Variants in PSMD12 observed in about 807,000 individuals in gnomAD.
PSMD12 encodes proteasome 26S subunit, non-ATPase 12, also known as 26S proteasome non-ATPase regulatory subunit 12.
PSMD12 carries 8 observed loss-of-function variants against 62.9 expected under a neutral mutation model. The ratio of observed to expected loss-of-function variants is 0.13; its 90% CI spans 0.07 to 0.23. The LOEUF (loss-of-function observed/expected upper bound fraction) is 0.23, where lower values mean the gene tolerates loss of function less well. Among genes scored for constraint, PSMD12 ranks in the 10% least tolerant of loss-of-function variants. The probability of loss-of-function intolerance (pLI) is 1.00; values close to 1 mark genes in which losing one functional copy is unlikely to be tolerated. For synonymous variants in PSMD12, 173 were observed against 187.4 expected (o/e 0.92, Z 0.63); for missense variants, 424 against 550.2 (o/e 0.77, Z 2.29).
intron 9 of PSMD12, among the ~76,000 whole-genome samples, chr17:67,342,939 CAAA>C (rs11366514): frequency 1.9e-5 from 2 of 102,664 alleles, no homozygotes. Flanking sequence ...GACTCTCTTT[CAAA>C]AAAAAAAAAA....
intron 1 of PSMD12, among the ~76,000 whole-genome samples, chr17:67,359,230 C>T (rs1295672979): frequency 6.6e-6 from 1 of 152,132 alleles, no homozygotes; most frequent in Non-Finnish European, 1.5e-5. Context: ...TAGCCTGTGC[C>T]TGTGGTCCTA....
At chr17:67,347,852 T>G (rs1019725746) in intron 5 of PSMD12, among the ~76,000 whole-genome samples, 7 of 152,220 alleles carry the variant, frequency 4.6e-5, no homozygotes, top group East Asian at 1.9e-4. Context: ...CACTACAAAT[T>G]TGTCTTTTCA....
At chr17:67,355,079 C>T (rs1486630417) in intron 3 of PSMD12, among the ~76,000 whole-genome samples, 3 of 148,166 alleles carry the variant, frequency 2.0e-5, no homozygotes, top group Non-Finnish European at 4.5e-5. Context: ...CATCGGCTTG[C>T]ATATTTTTGG....
In PSMD12 at chr17:67,364,018, C is replaced by A. The variant is rs141657526; in HGVS notation, c.108+2394G>T. Among the ~76,000 whole-genome samples, 428 of 152,094 alleles carry A rather than the reference C, an allele frequency of 2.8e-3. 6 individuals are homozygous for A. Among genetic ancestry groups the A allele is most frequent in the African/African-American group, 9.9e-3 (411 of 41,474 alleles). On this transcript the variant is annotated intron_variant, in intron 1 of 10. Coordinates refer to ENST00000356126, the MANE Select transcript of PSMD12 (RefSeq NM_002816.5). ...GAGCCAAGACCGCGCCACTGCACTC[C>A]AGCCTGGGCAACAAGAGCGAAACTC...
intron 3 of PSMD12, among the ~76,000 whole-genome samples, chr17:67,356,603 G>C (rs1289725951): frequency 4.0e-5 from 5 of 124,330 alleles, no homozygotes; most frequent in Non-Finnish European, 7.0e-5. Context: ...GAAATATTTA[G>C]TTACTACTAA....
At chr17:67,350,928 G>A (rs2042011325) in intron 3 of PSMD12, among the ~76,000 whole-genome samples, 1 of 151,986 alleles carries the variant, frequency 6.6e-6, no homozygotes, top group Non-Finnish European at 1.5e-5. Flanking sequence ...AGACTTTGTG[G>A]GCCAGTCTCT....
At chr17:67,356,608 T>C (rs1408652973) in intron 3 of PSMD12, among the ~76,000 whole-genome samples, 2 of 125,264 alleles carry the variant, frequency 1.6e-5, no homozygotes, top group African/African-American at 2.9e-5. Context: ...ATTTAGTTAC[T>C]ACTAAAAAAA....
Position 67,342,201 on chromosome 17 carries a change from C to T in PSMD12, c.1146G>A (p.Leu382=), listed in dbSNP as rs1302795317. The change falls in exon 10 of 11, where the codon CTG becomes CTA. Residue 382 remains leucine (L), a synonymous_variant. Coordinates refer to ENST00000356126, the MANE Select transcript of PSMD12 (RefSeq NM_002816.5). ...RITMKRMAQL[L]DLSVDESEAF... ...TACTACTTACATCAACAGATAGATC[C>T]AGAAGCTGTGCCATCCTTTTCATTG... 1 of 1,579,546 alleles carries T rather than the reference C, an allele frequency of 6.3e-7. No individual in the cohort carries two copies.
intron 3 of PSMD12, among the ~76,000 whole-genome samples, chr17:67,353,318 C>CCA (rs1422443218): frequency 6.6e-6 from 1 of 151,412 alleles, no homozygotes; most frequent in African/African-American, 2.4e-5. Flanking sequence ...TCCCCCCGCT[C>CCA]CCTCTCTCTT....
intron 3 of PSMD12, among the ~76,000 whole-genome samples, chr17:67,353,752 C>T (rs1031749154): frequency 4.6e-5 from 7 of 152,104 alleles, no homozygotes; most frequent in Admixed American, 3.3e-4. Flanking sequence ...GCTATGAAGA[C>T]ATAATATGTT....
chr17:67,365,862 T>G (rs2042173973), intron 1 of PSMD12, among the ~76,000 whole-genome samples: 1 of 151,990 alleles, frequency 6.6e-6, no homozygotes, highest in East Asian at 1.9e-4. Context: ...AGTAACACTT[T>G]CCCCTTGTAT....
chr17:67,343,266 T>C (rs1485444032), intron 9 of PSMD12, among the ~76,000 whole-genome samples: 1 of 152,164 alleles, frequency 6.6e-6, no homozygotes, highest in Admixed American at 6.5e-5. Context: ...ATCCTTTAAA[T>C]CTAACCTTTT....
intron 3 of PSMD12, among the ~76,000 whole-genome samples, chr17:67,351,048 T>C (rs1659863614): frequency 6.6e-6 from 1 of 152,190 alleles, no homozygotes; most frequent in Non-Finnish European, 1.5e-5. Flanking sequence ...TGTCCCATCA[T>C]TTGCCAATGT....
At chr17:67,357,053 A>G (rs2042081812) in intron 3 of PSMD12, 1 of 322,996 alleles carries the variant, frequency 3.1e-6, no homozygotes, top group Admixed American at 4.8e-5. Flanking sequence ...TAGCAATACC[A>G]AAATAGAACA....
intron 1 of PSMD12, among the ~76,000 whole-genome samples, chr17:67,358,567 CAAAAAAAAAAAAA>C (rs398039153): frequency 1.3e-5 from 1 of 74,076 alleles, no homozygotes; most frequent in Non-Finnish European, 2.5e-5. Flanking sequence ...GAACCTGTCT[CAAAAAAAAAAAAA>C]AAAAAAGAAA....
rs34639826 is a variant in PSMD12 at position 67,340,090 on chromosome 17, C to CAAAAA, written c.*748_*752dup. ...TAAAGAAAGGGGAGAGGAAGAAGAG[C>CAAAAA]AAAAAAAAAAAAAAAAAAAAAGTAG... On this transcript the variant is annotated 3_prime_UTR_variant, in exon 11 of 11. Transcript: ENST00000356126. 2.0e-4 allele frequency: 14 copies of CAAAAA among 71,376 alleles called. No individual in the cohort carries two copies. The highest frequency in any genetic ancestry group is 6.2e-4 in the South Asian group (1 of 1,624). The allele number at this position is 71,376 out of a possible 1,614,324, so 4.4% of individuals were successfully genotyped here.
Position 67,338,316 on chromosome 17 carries a change from AG to A in PSMD12, c.*2526del, listed in dbSNP as rs1189411237. 2 of 152,250 alleles carry A rather than the reference AG, an allele frequency of 1.3e-5. No homozygotes were observed. The highest frequency in any genetic ancestry group is 4.8e-5 in the African/African-American group (2 of 41,468). 9.4% of individuals were successfully genotyped at this position (152,250 alleles called of 1,614,324 possible). On this transcript the variant is annotated 3_prime_UTR_variant, in exon 11 of 11. Coordinates refer to ENST00000356126, the MANE Select transcript of PSMD12 (RefSeq NM_002816.5). ...CAGCTTTAGGTCTGAAATGTAAAAC[AG>A]GATTAATTGAGGTTCCGAACAACTC...
At position 67,350,276 on chromosome 17, in the gene PSMD12, T is replaced by G. The variant is rs775859552; in HGVS notation, c.358A>C (p.Ile120Leu). ...TYVEEITDLP[I>L]KLRLIDTLRM... ...AGAGTATCAATTAATCGAAGTTTGA[T>G]AGGAAGGTCTGTGATTTCCTCAACA... is the stretch of plus-strand genomic sequence containing the variant. The change falls in exon 4 of 11, where the codon ATC (isoleucine) becomes CTC (leucine). Residue 120 changes from isoleucine to leucine, a missense_variant. By Grantham distance (5) the Ile-to-Leu change is conservative (BLOSUM62 2). Transcript: ENST00000356126. 2 of 1,613,200 alleles carry G rather than the reference T, an allele frequency of 1.2e-6. No individual in the cohort carries two copies. Among genetic ancestry groups the G allele is most frequent in the Non-Finnish European group, 1.7e-6 (2 of 1,179,728 alleles).
At chr17:67,361,901 AAAAAAAAAGG>A (rs1249444658) in intron 1 of PSMD12, among the ~76,000 whole-genome samples, 6,842 of 129,034 alleles carry the variant, frequency 0.053, 780 homozygotes, top group Non-Finnish European at 0.081. Context: ...AAAAAAAAAA[AAAAAAAAAGG>A]AAGGAAGGAA....
Sources: gnomAD v4.1 joint callset for allele counts (sites outside exome capture counted in the v4.1 genomes callset) on GRCh38, gnomAD v4.1.1 for gene constraint, MANE v1.5 for transcripts, NCBI Gene and HGNC (gene_info 2026-07-23, HGNC 2026-07-21) for gene names.